Variants in BTRC observed in about 807,000 individuals in gnomAD.
BTRC encodes F-box/WD repeat-containing protein 1A.
In BTRC, 42 loss-of-function variants were observed where a neutral mutation model predicts 85.5. That is an observed-to-expected ratio of 0.49 (90% confidence interval 0.38 to 0.64). BTRC has a LOEUF of 0.64. BTRC is among the 30% of genes least tolerant of loss of function. BTRC has a pLI of 0.00. For synonymous variants in BTRC, 255 were observed against 263.3 expected (o/e 0.97, Z 0.30); for missense variants, 594 against 743.5 (o/e 0.80, Z 2.34).
intron 4 of BTRC, among the ~76,000 whole-genome samples, chr10:101,509,719 ATTTTTTTTT>A (rs549474862): frequency 8.3e-6 from 1 of 120,354 alleles, no homozygotes; most frequent in South Asian, 2.7e-4. Flanking sequence ...CACACAGCTA[ATTTTTTTTT>A]TTTTTTTTTT....
At chr10:101,413,383 G>A (rs548634424) in intron 1 of BTRC, among the ~76,000 whole-genome samples, 3 of 152,004 alleles carry the variant, frequency 2.0e-5, no homozygotes, top group Non-Finnish European at 4.4e-5. Flanking sequence ...GTGCAATCTC[G>A]GCTCACTGCA....
At chr10:101,523,853 AT>A (rs1288018724) in intron 5 of BTRC, among the ~76,000 whole-genome samples, 1 of 152,134 alleles carries the variant, frequency 6.6e-6, no homozygotes, top group African/African-American at 2.4e-5. Flanking sequence ...TTTATTGAAC[AT>A]TTAGGTAGTT....
intron 2 of BTRC, among the ~76,000 whole-genome samples, chr10:101,430,751 A>G (rs1944380026): frequency 6.6e-6 from 1 of 152,214 alleles, no homozygotes; most frequent in African/African-American, 2.4e-5. Context: ...CTCAATAAAT[A>G]GCAGTTCAAT....
intron 4 of BTRC, among the ~76,000 whole-genome samples, chr10:101,481,108 T>C (rs920686961): frequency 2.6e-4 from 39 of 152,046 alleles, no homozygotes; most frequent in African/African-American, 8.7e-4. Flanking sequence ...TTCGGTTTTT[T>C]AGAGTTGTTT....
intron 4 of BTRC, among the ~76,000 whole-genome samples, chr10:101,485,300 A>C (rs967508519): frequency 6.6e-6 from 1 of 152,242 alleles, no homozygotes; most frequent in African/African-American, 2.4e-5. Flanking sequence ...TGTTAAACAT[A>C]CAAGAAAAAG....
At position 101,532,297 on chromosome 10, in the gene BTRC, A is replaced by G. The variant is rs140780373; in HGVS notation, c.843A>G (p.Thr281=). The G allele has an allele frequency of 2.2e-4, 352 of 1,610,142 alleles. No homozygotes were observed. In the African/African-American group the frequency reaches 4.1e-3, roughly 19 times the overall value. The change falls in exon 8 of 15, where the codon ACA becomes ACG. Residue 281 remains threonine (T), a splice_region_variant and synonymous_variant. Transcript: ENST00000370187. The part of the protein sequence containing the change: ...LYPKIIQDIE[T]IESNWRCGRH... ...TCTTTCCCATTCCTTCTTCTCAGACAATAGAATCTAATTGGAGATGTGGAA... is the reference window on the plus strand; with the variant it reads ...TCTTTCCCATTCCTTCTTCTCAGACGATAGAATCTAATTGGAGATGTGGAA...
intron 4 of BTRC, among the ~76,000 whole-genome samples, chr10:101,515,851 A>AT (rs1390303317): frequency 6.6e-6 from 1 of 152,176 alleles, no homozygotes; most frequent in Non-Finnish European, 1.5e-5. Context: ...TTATGTTTTT[A>AT]TGGTACTACA....
intron 4 of BTRC, among the ~76,000 whole-genome samples, chr10:101,516,711 T>G (rs1308870913): frequency 6.6e-6 from 1 of 152,238 alleles, no homozygotes; most frequent in Non-Finnish European, 1.5e-5. Context: ...TTTTAAATCC[T>G]TAGGCAGTTT....
chr10:101,533,321 C>T (rs981604273), intron 9 of BTRC, among the ~76,000 whole-genome samples: 1 of 152,186 alleles, frequency 6.6e-6, no homozygotes, highest in Non-Finnish European at 1.5e-5. Context: ...ATTACAGAAA[C>T]TTTTCTTATC....
chr10:101,465,936 G>A lies in BTRC; in HGVS notation c.234+3878G>A, dbSNP rs1016325138. Among the ~76,000 whole-genome samples, 14 of 152,168 alleles carry A rather than the reference G, an allele frequency of 9.2e-5. 1 individual carries two copies. The highest frequency in any genetic ancestry group is 2.7e-4 in the African/African-American group (11 of 41,422). On this transcript the variant is annotated intron_variant, in intron 3 of 14. Coordinates refer to ENST00000370187, the MANE Select transcript of BTRC (RefSeq NM_033637.4). ...AAATATGAACTTTTATTTAAAGGAT[G>A]TACAAAATAGCTACAATTTTTGTTT... is the stretch of plus-strand genomic sequence containing the variant.
intron 5 of BTRC, among the ~76,000 whole-genome samples, chr10:101,525,525 T>G (rs2062177468): frequency 6.6e-6 from 1 of 152,168 alleles, no homozygotes; most frequent in South Asian, 2.1e-4. Flanking sequence ...CCCAGCACAT[T>G]CTGACTTAGT....
At chr10:101,365,332 C>T (rs1942338033) in intron 1 of BTRC, among the ~76,000 whole-genome samples, 1 of 150,082 alleles carries the variant, frequency 6.7e-6, no homozygotes, top group Admixed American at 6.6e-5. Flanking sequence ...CTCAGCCTTC[C>T]AAAGTGCTGG....
intron 2 of BTRC, among the ~76,000 whole-genome samples, chr10:101,435,614 G>A (rs1252937741): frequency 6.6e-6 from 1 of 152,004 alleles, no homozygotes; most frequent in East Asian, 1.9e-4. Context: ...TATTTGGATT[G>A]TTTCCAATTT....
chr10:101,446,808 C>T (rs12248165), intron 2 of BTRC, among the ~76,000 whole-genome samples: 4,121 of 152,240 alleles, frequency 0.027, 196 homozygotes, highest in African/African-American at 0.091. Flanking sequence ...TTAACCATGA[C>T]TTTCCTTCTC....
rs1037081249 is a variant in BTRC at position 101,427,820 on chromosome 10, A to G, written c.49-2525A>G. 3.9e-5 allele frequency among the ~76,000 whole-genome samples: 6 copies of G among 152,150 alleles called. No homozygotes were observed. The East Asian group carries it at 1.2e-3, about 29-fold the overall frequency. ...TGGGATTATAGGATTGAGCCACCACATCTGGCTCCAGGACAGTGTCTACTA... is the reference window on the plus strand; with the variant it reads ...TGGGATTATAGGATTGAGCCACCACGTCTGGCTCCAGGACAGTGTCTACTA... On this transcript the variant is annotated intron_variant, in intron 1 of 14. Transcript: ENST00000370187.
At chr10:101,526,661 T>C (rs2134390669) in intron 6 of BTRC, among the ~76,000 whole-genome samples, 1 of 152,174 alleles carries the variant, frequency 6.6e-6, no homozygotes, top group South Asian at 2.1e-4. Context: ...GCACCTGTAA[T>C]CCCAGCTACT....
chr10:101,423,657 G>T (rs1944168986), intron 1 of BTRC, among the ~76,000 whole-genome samples: 1 of 152,154 alleles, frequency 6.6e-6, no homozygotes, highest in South Asian at 2.1e-4. Context: ...GAACTTGAGT[G>T]TACTCTCTTG....
At chr10:101,421,735 C>G (rs1944107783) in intron 1 of BTRC, among the ~76,000 whole-genome samples, 1 of 149,262 alleles carries the variant, frequency 6.7e-6, no homozygotes. Context: ...GGTTTTTTGT[C>G]CTTGTGATAG....
rs957583558 is a variant in BTRC at position 101,438,393 on chromosome 10, C to A, written c.156+7941C>A. ...TGAGCCGAGATCGCGCCACTACACT[C>A]CAGCCTGGGCGACAGAGCGAGACTG... is the stretch of plus-strand genomic sequence containing the variant. On this transcript the variant is annotated intron_variant, in intron 2 of 14. Coordinates refer to ENST00000370187, the MANE Select transcript of BTRC (RefSeq NM_033637.4). 1.5e-4 allele frequency among the ~76,000 whole-genome samples: 19 copies of A among 127,498 alleles called. No individual in the cohort carries two copies. In the East Asian group the frequency reaches 3.0e-3, roughly 20 times the overall value. 83.6% of individuals were successfully genotyped at this position (127,498 alleles called of 152,430 possible). A position where few individuals can be genotyped will look rare whatever the true frequency, so the allele number is the denominator to read the frequency against.
Sources: allele counts gnomAD v4.1 joint callset (sites outside exome capture counted in the v4.1 genomes callset), GRCh38; gene constraint gnomAD v4.1.1; transcripts MANE v1.5; gene names NCBI Gene and HGNC (gene_info 2026-07-23, HGNC 2026-07-21).